The following ATP8A2 variants were observed in gnomAD, a reference collection of about 807,000 sequenced individuals.
ATP8A2 encodes phospholipid-transporting ATPase IB.
Under a neutral mutation model 165.6 loss-of-function variants are expected in ATP8A2, and 100 were observed. That is an observed-to-expected ratio of 0.60 (90% CI 0.51 to 0.71). The LOEUF is 0.71. Among genes scored for constraint, ATP8A2 ranks in the 30% least tolerant of loss-of-function variants. ATP8A2 has a pLI of 0.00. For missense variants in ATP8A2, 1,227 were observed against 1,479.5 expected (o/e 0.83, Z 2.80); for synonymous variants, 543 against 548.8 (o/e 0.99, Z 0.15).
At chr13:25,942,368 T>C (rs1238500504) in intron 33 of ATP8A2, among the ~76,000 whole-genome samples, 2 of 152,252 alleles carry the variant, frequency 1.3e-5, no homozygotes, top group African/African-American at 4.8e-5. Flanking sequence ...CTCTAACTTT[T>C]TTTATGGTGT....
At chr13:25,494,683 A>G (rs1452720688) in intron 2 of ATP8A2, among the ~76,000 whole-genome samples, 1 of 152,256 alleles carries the variant, frequency 6.6e-6, no homozygotes, top group Admixed American at 6.5e-5. Context: ...CTGAAAACAT[A>G]AGGATAAAAA....
At chr13:25,378,707 A>G (rs148027689) in intron 1 of ATP8A2, among the ~76,000 whole-genome samples, 1 of 152,240 alleles carries the variant, frequency 6.6e-6, no homozygotes, top group Non-Finnish European at 1.5e-5. Flanking sequence ...CCTCCTCCAC[A>G]TATTCCTCAC....
intron 36 of ATP8A2, among the ~76,000 whole-genome samples, chr13:26,019,411 G>A (rs1957049766): frequency 6.6e-6 from 1 of 152,170 alleles, no homozygotes; most frequent in East Asian, 1.9e-4. Context: ...AAATAAACAG[G>A]AAGGCTCCAG....
intron 25 of ATP8A2, among the ~76,000 whole-genome samples, chr13:25,712,566 A>G (rs2043178308): frequency 6.6e-6 from 1 of 152,254 alleles, no homozygotes; most frequent in South Asian, 2.1e-4. Flanking sequence ...TACTGATAGC[A>G]GGGTAATCCT....
rs146646760 is a variant in ATP8A2 at position 25,908,036 on chromosome 13, G to A, written c.3183+45628G>A. Among the ~76,000 whole-genome samples the A allele has an allele frequency of 4.7e-3, 721 of 152,194 alleles. 2 individuals carry two copies. Among genetic ancestry groups the A allele is most frequent in the Middle Eastern group, 0.014 (4 of 294 alleles). ...AGATATTTTTTTCAGATAAAAGTTCGGTGATGACAAATGAACTCTACAGTC... is the reference window on the plus strand; with the variant it reads ...AGATATTTTTTTCAGATAAAAGTTCAGTGATGACAAATGAACTCTACAGTC... On this transcript the variant is annotated intron_variant, in intron 33 of 36. Transcript: ENST00000381655.
chr13:25,633,368 A>G (rs2041292517), intron 24 of ATP8A2, among the ~76,000 whole-genome samples: 1 of 152,164 alleles, frequency 6.6e-6, no homozygotes, highest in African/African-American at 2.4e-5. Context: ...CTTCAAGGAC[A>G]GATAATACAC....
At chr13:25,628,528 A>G (rs1245475917) in intron 24 of ATP8A2, among the ~76,000 whole-genome samples, 1 of 152,136 alleles carries the variant, frequency 6.6e-6, no homozygotes, top group African/African-American at 2.4e-5. Flanking sequence ...CACTGCCTGT[A>G]TTAGTCTTCT....
At chr13:25,598,375 A>G (rs1295361862) in intron 24 of ATP8A2, among the ~76,000 whole-genome samples, 1 of 152,162 alleles carries the variant, frequency 6.6e-6, no homozygotes, top group Non-Finnish European at 1.5e-5. Flanking sequence ...CAGGCTGTAG[A>G]TTCCTCCAGA....
rs142729369 is a variant in ATP8A2 at position 25,511,845 on chromosome 13, C to T, written c.222-18154C>T. On this transcript the variant is annotated intron_variant, in intron 2 of 36. Coordinates refer to ENST00000381655, the MANE Select transcript of ATP8A2 (RefSeq NM_016529.6). The stretch of plus-strand genomic sequence containing the variant: ...GTTCTTAGAGTTCTAGCAACTTCTT[C>T]TGTATAACTTGTTAATATTATCTTT... Among the ~76,000 whole-genome samples, 113 of 150,706 alleles carry T rather than the reference C, an allele frequency of 7.5e-4. 1 individual carries two copies. The East Asian group carries it at 0.013, about 18-fold the overall frequency.
At chr13:25,810,452 A>G (rs1186758222) in intron 27 of ATP8A2, among the ~76,000 whole-genome samples, 1 of 151,464 alleles carries the variant, frequency 6.6e-6, no homozygotes, top group Non-Finnish European at 1.5e-5. Context: ...AAAAGCAAAT[A>G]TGCAGTCTGT....
At chr13:25,965,361 C>T (rs1172071571) in intron 34 of ATP8A2, among the ~76,000 whole-genome samples, 1 of 152,084 alleles carries the variant, frequency 6.6e-6, no homozygotes, top group Non-Finnish European at 1.5e-5. Context: ...TCACTTTTTC[C>T]ATGAAGTCTG....
chr13:25,792,616 G>A (rs1366466264), intron 27 of ATP8A2, among the ~76,000 whole-genome samples: 1 of 152,078 alleles, frequency 6.6e-6, no homozygotes, highest in Non-Finnish European at 1.5e-5. Flanking sequence ...AGAAGGGTTA[G>A]GAAATACTTT....
intron 25 of ATP8A2, among the ~76,000 whole-genome samples, chr13:25,764,435 C>A: frequency 6.6e-6 from 1 of 152,156 alleles, no homozygotes; most frequent in East Asian, 1.9e-4. Context: ...TTGTATGTAT[C>A]TTATGCTATG....
Position 25,451,124 on chromosome 13 carries a change from C to T in ATP8A2, c.77-17853C>T, listed in dbSNP as rs185192225. Among the ~76,000 whole-genome samples, 156 of 152,154 alleles carry T rather than the reference C, an allele frequency of 1.0e-3. 1 individual carries two copies. The highest frequency in any genetic ancestry group is 3.5e-3 in the African/African-American group (147 of 41,458). ...CCCATGAGGTTGTCTCGTAGGTCACCGATGCTCTGTTACTATTTTTCTTCT... is the reference window on the plus strand; with the variant it reads ...CCCATGAGGTTGTCTCGTAGGTCACTGATGCTCTGTTACTATTTTTCTTCT... On this transcript the variant is annotated intron_variant, in intron 1 of 36. Transcript: ENST00000381655.
chr13:25,990,645 A>T (rs146774436), intron 35 of ATP8A2, among the ~76,000 whole-genome samples: 386 of 152,278 alleles, frequency 2.5e-3, no homozygotes, highest in African/African-American at 8.8e-3. Flanking sequence ...CGTTTATTGT[A>T]TGATTCTGAG....
intron 25 of ATP8A2, among the ~76,000 whole-genome samples, chr13:25,705,001 T>G (rs1327947866): frequency 6.6e-6 from 1 of 152,238 alleles, no homozygotes; most frequent in East Asian, 1.9e-4. Context: ...CTGTCTTATA[T>G]GTTTAGACTT....
chr13:25,977,438 A>C (rs971233003), intron 35 of ATP8A2, among the ~76,000 whole-genome samples: 41 of 152,270 alleles, frequency 2.7e-4, no homozygotes, highest in Non-Finnish European at 1.5e-4. Flanking sequence ...GAAATTACCG[A>C]AAGGCTGCCC....
intron 33 of ATP8A2, among the ~76,000 whole-genome samples, chr13:25,921,261 A>AT (rs975418900): frequency 1.3e-5 from 2 of 152,172 alleles, no homozygotes; most frequent in Non-Finnish European, 2.9e-5. Context: ...GTATGCTAAT[A>AT]TTAGAGTACA....
intron 33 of ATP8A2, among the ~76,000 whole-genome samples, chr13:25,905,815 C>T (rs1953920569): frequency 6.6e-6 from 1 of 152,216 alleles, no homozygotes; most frequent in Admixed American, 6.5e-5. Context: ...AGTGGCCATG[C>T]CCATCTCAGC....
Sources: gnomAD v4.1 joint callset for allele counts (sites outside exome capture counted in the v4.1 genomes callset) on GRCh38, gnomAD v4.1.1 for gene constraint, MANE v1.5 for transcripts, NCBI Gene and HGNC (gene_info 2026-07-23, HGNC 2026-07-21) for gene names.